The following OSMR variants were observed in gnomAD, a reference collection of about 807,000 sequenced individuals.
OSMR encodes the protein oncostatin-M-specific receptor subunit beta.
A neutral mutation model predicts 99.9 loss-of-function variants in OSMR; 81 were observed. That is an observed-to-expected ratio of 0.81 (90% CI 0.68 to 0.97). The LOEUF (loss-of-function observed/expected upper bound fraction) is 0.97, where lower values mean the gene tolerates loss of function less well. Ranked by LOEUF, OSMR falls within the 50% of genes least tolerant of loss-of-function variation. The pLI is 0.00. For missense variants in OSMR, 1,099 were observed against 1,153.4 expected (o/e 0.95, Z 0.68); for synonymous variants, 406 against 410.4 (o/e 0.99, Z 0.13).
At chr5:38,907,523 G>T (rs189059828) in intron 9 of OSMR, among the ~76,000 whole-genome samples, 1 of 152,202 alleles carries the variant, frequency 6.6e-6, no homozygotes. Context: ...CTAGACAGAG[G>T]AGAATGGTCT....
chr5:38,862,217 C>T (rs1446900230), intron 1 of OSMR, among the ~76,000 whole-genome samples: 8 of 116,598 alleles, frequency 6.9e-5, no homozygotes, highest in East Asian at 3.9e-4. Context: ...CCTCACCTCC[C>T]GGACGGGGCG....
intron 9 of OSMR, among the ~76,000 whole-genome samples, chr5:38,905,093 A>C (rs1314165283): frequency 6.6e-6 from 1 of 152,082 alleles, no homozygotes; most frequent in Non-Finnish European, 1.5e-5. Context: ...TCTCCCTCCA[A>C]CTCAATGTCA....
chr5:38,850,615 G>A (rs1387385477), intron 1 of OSMR, among the ~76,000 whole-genome samples: 6 of 152,168 alleles, frequency 3.9e-5, no homozygotes, highest in African/African-American at 1.4e-4. Flanking sequence ...ATTGTAAGTG[G>A]CTTCTGCAAA....
At chr5:38,861,535 G>T (rs1240194922) in intron 1 of OSMR, among the ~76,000 whole-genome samples, 1 of 152,170 alleles carries the variant, frequency 6.6e-6, no homozygotes, top group Non-Finnish European at 1.5e-5. Context: ...CACAGACACC[G>T]CAACCATCCG....
At chr5:38,919,235 C>T (rs1561403218) in intron 11 of OSMR, 173 bp downstream of exon 11, 1 of 1,526,030 alleles carries the variant, frequency 6.6e-7, no homozygotes, top group Non-Finnish European at 8.8e-7. Flanking sequence ...GTGGGACAGT[C>T]CCCTCAGTGT....
chr5:38,885,239 C>G, intron 5 of OSMR, 110 bp from the exon 6 acceptor site: 3 of 1,561,540 alleles, frequency 1.9e-6, no homozygotes, highest in Non-Finnish European at 8.7e-7. Context: ...TCAGTGACCC[C>G]TTCCTTGTTC....
chr5:38,940,567 C>T (rs1011460263), downstream of OSMR: 13 of 232,368 alleles, frequency 5.6e-5, 1 homozygote, highest in African/African-American at 2.7e-4. Context: ...AATTATTTAT[C>T]TTCAACTGGA....
At chr5:38,931,526 C>A (rs892746086) in intron 15 of OSMR, among the ~76,000 whole-genome samples, 1 of 152,182 alleles carries the variant, frequency 6.6e-6, no homozygotes, top group Non-Finnish European at 1.5e-5. Flanking sequence ...CAAGCCAATG[C>A]ACATGGCTGA....
Position 38,904,513 on chromosome 5 carries a change from G to A in OSMR, c.1285+10G>A. On this transcript the variant is annotated intron_variant, in intron 9 of 17. Transcript: ENST00000274276. ...ACCACACTTGAAGCTGGTATGTTCA[G>A]CCCCTGGCATTTAACCCAAAGAAGT... 6.2e-7 allele frequency: 1 copy of A among 1,614,166 alleles called. No homozygotes were observed. The highest frequency in any genetic ancestry group is 8.5e-7 in the Non-Finnish European group (1 of 1,180,028).
chr5:38,898,665 G>T (rs1173151077), intron 7 of OSMR, among the ~76,000 whole-genome samples: 1 of 151,890 alleles, frequency 6.6e-6, no homozygotes, highest in African/African-American at 2.4e-5. Flanking sequence ...TTGTTTTATG[G>T]TCTTATCTTT....
At chr5:38,944,489 T>C (rs1472536405) in intron 2 of OSMR, 2 of 1,612,166 alleles carry the variant, frequency 1.2e-6, no homozygotes, top group African/African-American at 1.3e-5. Flanking sequence ...ACTGAACTAC[T>C]CAAATTAATG....
intron 7 of OSMR, among the ~76,000 whole-genome samples, chr5:38,900,516 A>T (rs1160915600): frequency 6.6e-6 from 1 of 152,220 alleles, no homozygotes; most frequent in African/African-American, 2.4e-5. Context: ...CTGAGATACC[A>T]GTATGCCAAT....
chr5:38,912,502 A>G lies in OSMR; in HGVS notation c.1286-5044A>G, dbSNP rs151164931. On this transcript the variant is annotated intron_variant, in intron 9 of 17. Coordinates refer to ENST00000274276, the MANE Select transcript of OSMR (RefSeq NM_003999.3). Reference sequence around the variant, plus strand: ...ATCATTAAAATCACTGACTCCCCAAAGCAATTTACAGATTCAATGCTATTT... The same window carrying G: ...ATCATTAAAATCACTGACTCCCCAAGGCAATTTACAGATTCAATGCTATTT... Among the ~76,000 whole-genome samples the G allele has an allele frequency of 3.9e-5, 6 of 152,332 alleles. No individual in the cohort carries two copies. The East Asian group carries it at 1.2e-3, about 29-fold the overall frequency.
At chr5:38,924,284 A>T (rs942353053) in intron 13 of OSMR, 138 bp from the exon 14 acceptor site, 1 of 1,520,710 alleles carries the variant, frequency 6.6e-7, no homozygotes. Context: ...TCCTCTAGAG[A>T]AACAGATAAA....
chr5:38,866,199 G>A (rs978707255), intron 1 of OSMR, among the ~76,000 whole-genome samples: 1 of 152,140 alleles, frequency 6.6e-6, no homozygotes. Context: ...GCTATGTGTG[G>A]CAAGCCTGTC....
At position 38,869,012 on chromosome 5, in the gene OSMR, T is replaced by G. The variant is rs1255639703; in HGVS notation, c.-13-20T>G. ...TGAAAATTAAATAAAATTTTCCTTC[T>G]TATAATTTATCTTTTTCAGAAAACC... On this transcript the variant is annotated intron_variant, in intron 1 of 17. Transcript: ENST00000274276. 1 of 1,611,986 alleles carries G rather than the reference T, an allele frequency of 6.2e-7. No homozygotes were observed. Among genetic ancestry groups the G allele is most frequent in the Non-Finnish European group, 8.5e-7 (1 of 1,178,786 alleles).
intron 3 of OSMR, among the ~76,000 whole-genome samples, chr5:38,876,862 T>C (rs749728212): frequency 2.8e-4 from 42 of 152,204 alleles, no homozygotes; most frequent in Non-Finnish European, 2.2e-4. Flanking sequence ...CAAGGAGCCA[T>C]GTTGGAGAGT....
downstream of OSMR, chr5:38,945,453 T>A (rs778783810): frequency 1.0e-5 from 14 of 1,375,024 alleles, no homozygotes; most frequent in African/African-American, 1.7e-4. Context: ...ACTTTAGTCA[T>A]CACTAGGTTT....
chr5:38,933,435 C>T lies in OSMR; in HGVS notation c.2931C>T (p.His977=). The T allele has an allele frequency of 1.2e-6, 2 of 1,614,136 alleles. No individual in the cohort carries two copies. The highest frequency in any genetic ancestry group is 1.7e-6 in the Non-Finnish European group (2 of 1,179,992). ...SSITLLDPGE[H]YC Reference sequence around the variant, plus strand: ...TTACCCTTTTAGATCCAGGTGAACACTACTGCTAACCAGCATGCCGATTTC... The same window carrying T: ...TTACCCTTTTAGATCCAGGTGAACATTACTGCTAACCAGCATGCCGATTTC... The change falls in exon 18 of 18, where the codon CAC becomes CAT. Residue 977 remains histidine, a synonymous_variant. Transcript: ENST00000274276.
Sources: gnomAD v4.1 joint callset for allele counts (sites outside exome capture counted in the v4.1 genomes callset) on GRCh38, gnomAD v4.1.1 for gene constraint, MANE v1.5 for transcripts, NCBI Gene and HGNC (gene_info 2026-07-23, HGNC 2026-07-21) for gene names.